The following IMMP1L variants were observed in gnomAD, a reference collection of about 807,000 sequenced individuals.
IMMP1L encodes the protein mitochondrial inner membrane protease subunit 1.
IMMP1L carries 24 observed loss-of-function variants against 21.8 expected under a neutral mutation model. The observed-to-expected ratio is 1.10, with a 90% CI of 0.80 to 1.55. The LOEUF is 1.55. Ranked by LOEUF, IMMP1L falls within the 40% of genes most tolerant of loss-of-function variation. The pLI is 0.00. For synonymous variants in IMMP1L, 46 were observed against 62.8 expected, an observed-to-expected ratio of 0.73 and a Z score of 1.26; for missense variants, 195 against 200.7, an observed-to-expected ratio of 0.97 and a Z score of 0.17.
intron 1 of IMMP1L, among the ~76,000 whole-genome samples, chr11:31,466,294 T>C (rs1279453052): frequency 6.6e-6 from 1 of 152,102 alleles, no homozygotes; most frequent in Non-Finnish European, 1.5e-5. Context: ...AAAATTCATA[T>C]ACCCTGTTAG....
At chr11:31,461,714 G>A (rs1170519986) in intron 2 of IMMP1L, among the ~76,000 whole-genome samples, 2 of 152,094 alleles carry the variant, frequency 1.3e-5, no homozygotes, top group African/African-American at 4.8e-5. Flanking sequence ...TTTGCGTTCA[G>A]ACTTGGGTCC....
chr11:31,468,518 C>G (rs1310821199), intron 1 of IMMP1L, among the ~76,000 whole-genome samples: 1 of 151,958 alleles, frequency 6.6e-6, no homozygotes, highest in Non-Finnish European at 1.5e-5. Context: ...TTTTTTTCAG[C>G]TTTTTTTGTA....
intron 1 of IMMP1L, among the ~76,000 whole-genome samples, chr11:31,472,847 C>A (rs1356089410): frequency 6.6e-6 from 1 of 151,888 alleles, no homozygotes; most frequent in African/African-American, 2.4e-5. Context: ...AACTTAGATA[C>A]CTCTTTTATT....
At position 31,500,910 on chromosome 11, in the gene IMMP1L, T is replaced by C. The variant is rs553751501; in HGVS notation, c.-30+8609A>G. 3.3e-5 allele frequency among the ~76,000 whole-genome samples: 5 copies of C among 152,360 alleles called. No homozygotes were observed. The South Asian group carries it at 1.0e-3, about 32-fold the overall frequency. ...CTACAAGGCCTAAAATATTTACTAT[T>C]TGGTCTTTTATAGAAAAAGGTTGCC... is the stretch of plus-strand genomic sequence containing the variant. On this transcript the variant is annotated intron_variant, in intron 1 of 5. Transcript: ENST00000532287.
intron 1 of IMMP1L, among the ~76,000 whole-genome samples, chr11:31,463,785 C>T (rs945468065): frequency 6.6e-6 from 1 of 152,062 alleles, no homozygotes; most frequent in African/African-American, 2.4e-5. Context: ...TTACTTAACC[C>T]TTCTGGGGCC....
chr11:31,486,880 G>A (rs151201035), intron 1 of IMMP1L, among the ~76,000 whole-genome samples: 132 of 151,920 alleles, frequency 8.7e-4, no homozygotes, highest in African/African-American at 2.7e-3. Context: ...AGGAATACAC[G>A]TAAAGTGACA....
At chr11:31,468,076 T>G (rs1026687016) in intron 1 of IMMP1L, among the ~76,000 whole-genome samples, 1 of 152,060 alleles carries the variant, frequency 6.6e-6, no homozygotes, top group African/African-American at 2.4e-5. Context: ...AAAGTACTAT[T>G]TTCAATTACA....
intron 5 of IMMP1L, 68 bp downstream of exon 5, chr11:31,433,392 A>T: frequency 1.1e-6 from 1 of 887,966 alleles, no homozygotes; most frequent in Non-Finnish European, 1.8e-6. Flanking sequence ...AAGATTTCAG[A>T]GATCATTTTG....
intron 1 of IMMP1L, among the ~76,000 whole-genome samples, chr11:31,497,598 A>T (rs966449037): frequency 6.6e-6 from 1 of 151,668 alleles, no homozygotes; most frequent in African/African-American, 2.4e-5. Flanking sequence ...AGTAGCTGGG[A>T]CTAGAGGCAC....
intron 1 of IMMP1L, among the ~76,000 whole-genome samples, chr11:31,479,884 G>T (rs1175458181): frequency 6.6e-6 from 1 of 151,980 alleles, no homozygotes; most frequent in African/African-American, 2.4e-5. Flanking sequence ...AAATCTGGTA[G>T]ATAAGCTTAG....
intron 4 of IMMP1L, among the ~76,000 whole-genome samples, chr11:31,436,016 T>C (rs1953105440): frequency 6.6e-6 from 1 of 152,164 alleles, no homozygotes; most frequent in Non-Finnish European, 1.5e-5. Context: ...CAGTGTCAAA[T>C]ATTATTCTGT....
intron 1 of IMMP1L, among the ~76,000 whole-genome samples, chr11:31,478,506 A>G (rs1369003669): frequency 1.3e-5 from 2 of 152,192 alleles, no homozygotes; most frequent in East Asian, 1.9e-4. Flanking sequence ...CGGATTTATC[A>G]TCTCCAAGAA....
intron 1 of IMMP1L, among the ~76,000 whole-genome samples, chr11:31,506,949 A>C (rs573335668): frequency 6.7e-6 from 1 of 149,546 alleles, no homozygotes; most frequent in South Asian, 2.1e-4. Context: ...ACAGAGCGAG[A>C]CTCCGTCTAA....
At chr11:31,442,863 A>G (rs1421572010) in intron 4 of IMMP1L, among the ~76,000 whole-genome samples, 4 of 152,210 alleles carry the variant, frequency 2.6e-5, no homozygotes, top group African/African-American at 9.6e-5. Context: ...AAAACAAACG[A>G]CTGATAGAGC....
At chr11:31,443,550 C>T (rs1022495524) in intron 4 of IMMP1L, among the ~76,000 whole-genome samples, 3 of 152,180 alleles carry the variant, frequency 2.0e-5, no homozygotes, top group Non-Finnish European at 4.4e-5. Context: ...TTCTGTCTAC[C>T]TGAGCTAATT....
intron 4 of IMMP1L, chr11:31,433,821 T>G (rs1319398487): frequency 3.1e-6 from 1 of 327,266 alleles, no homozygotes; most frequent in African/African-American, 2.2e-5. Flanking sequence ...TAATTTGTTA[T>G]ACAAACCCCA....
At chr11:31,491,849 C>A (rs546228307) in intron 1 of IMMP1L, among the ~76,000 whole-genome samples, 4 of 152,132 alleles carry the variant, frequency 2.6e-5, no homozygotes, top group South Asian at 4.1e-4. Flanking sequence ...TGGCAGAGAT[C>A]CTCTAGACAT....
chr11:31,473,064 T>C (rs915878671), intron 1 of IMMP1L, among the ~76,000 whole-genome samples: 1 of 151,708 alleles, frequency 6.6e-6, no homozygotes, highest in African/African-American at 2.4e-5. Flanking sequence ...TTGTTTGTTT[T>C]TTTGAGACGG....
intron 3 of IMMP1L, among the ~76,000 whole-genome samples, chr11:31,459,758 C>T (rs1954073001): frequency 6.6e-6 from 1 of 152,140 alleles, no homozygotes. Context: ...GGTTTAGTGA[C>T]ACACAATATT....
Sources: gnomAD v4.1 joint callset for allele counts (sites outside exome capture counted in the v4.1 genomes callset) on GRCh38, gnomAD v4.1.1 for gene constraint, MANE v1.5 for transcripts, NCBI Gene and HGNC (gene_info 2026-07-23, HGNC 2026-07-21) for gene names.